The following SV2B variants were observed in gnomAD, a reference collection of about 807,000 sequenced individuals.
SV2B encodes solute carrier family 22 member B2.
Under a neutral mutation model 73.9 loss-of-function variants are expected in SV2B, and 41 were observed. The ratio of observed to expected loss-of-function variants is 0.56; its 90% confidence interval spans 0.43 to 0.72. The LOEUF is 0.72. SV2B is among the 30% of genes least tolerant of loss of function. The pLI is 0.00. For missense variants in SV2B, 764 were observed against 857.8 expected (o/e 0.89, Z 1.37); for synonymous variants, 314 against 314.2 (o/e 1.00, Z 0.01).
intron 1 of SV2B, among the ~76,000 whole-genome samples, chr15:91,119,369 C>T (rs1005721897): frequency 1.3e-5 from 2 of 152,200 alleles, no homozygotes; most frequent in Admixed American, 6.5e-5. Context: ...ATGCTTAGAT[C>T]TGGGCCATTT....
Position 91,132,366 on chromosome 15 carries a change from T to C in SV2B, c.-392+32003T>C, listed in dbSNP as rs1451032503. Among the ~76,000 whole-genome samples, 1 of 152,190 alleles carries C rather than the reference T, an allele frequency of 6.6e-6. No individual in the cohort carries two copies. The highest frequency in any genetic ancestry group is 1.5e-5 in the Non-Finnish European group (1 of 68,032). On this transcript the variant is annotated intron_variant, in intron 1 of 12. Transcript: ENST00000394232. This position sits in a 1 kb window ranked among gnomAD's most constrained non-coding sequence, Gnocchi z 4.6. ...GGTCACACACCTGTGCAAACATTGG[T>C]TGCAAAAACAATCAGGGGTTAGGGT...
chr15:91,180,290 T>G (rs1475281995), intron 1 of SV2B, among the ~76,000 whole-genome samples: 1 of 152,250 alleles, frequency 6.6e-6, no homozygotes, highest in African/African-American at 2.4e-5. Flanking sequence ...CTTCCCTTTG[T>G]GGGTAACCTG....
In SV2B at chr15:91,191,404, T is replaced by C. The variant is rs533148368; in HGVS notation, c.-391-34469T>C. ...AGAACCCTTCCACCCTGATACATCA[T>C]CAAGTTATTAATCCCCCCCACCTTC... On this transcript the variant is annotated intron_variant, in intron 1 of 12. Coordinates refer to ENST00000394232, the MANE Select transcript of SV2B (RefSeq NM_001323032.3). 7.2e-5 allele frequency among the ~76,000 whole-genome samples: 11 copies of C among 152,190 alleles called. No individual in the cohort carries two copies. In the South Asian group the frequency reaches 2.3e-3, roughly 32 times the overall value.
rs934993190 is a variant in SV2B, at chr15:91,236,294, GTTAT to G, written c.451+9591_451+9594del. Among the ~76,000 whole-genome samples the G allele has an allele frequency of 3.7e-4, 56 of 152,200 alleles. No homozygotes were observed. Among genetic ancestry groups the G allele is most frequent in the African/African-American group, 1.3e-3 (52 of 41,526 alleles). ...TTGCTAATTATCAGAATAAACATAT[GTTAT>G]TTATTTATTTGTATTGATTCACCTA... On this transcript the variant is annotated intron_variant, in intron 2 of 12. Coordinates refer to ENST00000394232, the MANE Select transcript of SV2B (RefSeq NM_001323032.3). The surrounding 1 kb of genome is among the most constrained non-coding windows in gnomAD (Gnocchi z 4.1).
chr15:91,222,810 T>C (rs192100488), intron 1 of SV2B, among the ~76,000 whole-genome samples: 133 of 152,336 alleles, frequency 8.7e-4, no homozygotes, highest in African/African-American at 2.5e-3. Flanking sequence ...TGTTTTACCA[T>C]TGGCTGTAAG....
Position 91,251,932 on chromosome 15 carries a change from G to A in SV2B, c.565G>A (p.Ala189Thr), listed in dbSNP as rs200150672. Reference protein sequence around the residue: ...SMSLAVNASFASLSSFVQGYG... With the variant: ...SMSLAVNASFTSLSSFVQGYG... ...GTCTCTGGCCGTCAATGCCTCCTTC[G>A]CCTCCCTCTCTTCCTTCGTGCAGGG... is the stretch of plus-strand genomic sequence containing the variant. The change falls in exon 3 of 13, where the codon GCC (alanine) becomes ACC (threonine). Residue 189 changes from alanine to threonine, a missense_variant. Coordinates refer to ENST00000394232, the MANE Select transcript of SV2B (RefSeq NM_001323032.3). The A allele has an allele frequency of 2.6e-5, 42 of 1,614,066 alleles. No individual in the cohort carries two copies. Among genetic ancestry groups the A allele is most frequent in the Middle Eastern group, 3.3e-4 (2 of 6,062 alleles).
Position 91,280,094 on chromosome 15 carries a change from T to TTTAATAATAAGGTTTAATAATA in SV2B, c.1374-1634_1374-1633insTTAATAATAAGGTTTAATAATA, listed in dbSNP as rs2048637552. ...ATTTAGGAAATGACATCTTTAATAA[T>TTTAATAATAAGGTTTAATAATA]AACCTCAAGTTTATTCTGATGCAAG... On this transcript the variant is annotated intron_variant, in intron 9 of 12. Coordinates refer to ENST00000394232, the MANE Select transcript of SV2B (RefSeq NM_001323032.3). The surrounding 1 kb of genome is among the most constrained non-coding windows in gnomAD (Gnocchi z 5.8). Among the ~76,000 whole-genome samples, 1 of 152,234 alleles carries TTTAATAATAAGGTTTAATAATA rather than the reference T, an allele frequency of 6.6e-6. No homozygotes were observed. Among genetic ancestry groups the TTTAATAATAAGGTTTAATAATA allele is most frequent in the Non-Finnish European group, 1.5e-5 (1 of 68,044 alleles).
In SV2B at chr15:91,121,147, G is replaced by C. The variant is rs184679604; in HGVS notation, c.-392+20784G>C. Among the ~76,000 whole-genome samples, 4 of 150,518 alleles carry C rather than the reference G, an allele frequency of 2.7e-5. No homozygotes were observed. The East Asian group carries it at 7.7e-4, about 29-fold the overall frequency. On this transcript the variant is annotated intron_variant, in intron 1 of 12. Coordinates refer to ENST00000394232, the MANE Select transcript of SV2B (RefSeq NM_001323032.3). The surrounding 1 kb of genome is among the most constrained non-coding windows in gnomAD (Gnocchi z 4.4). Reference sequence around the variant, plus strand: ...ACTCGTTTCATTTTTTTTTCTCTTTGAAATAAAAAAGTGTTAAGGTAAGGC... The same window carrying C: ...ACTCGTTTCATTTTTTTTTCTCTTTCAAATAAAAAAGTGTTAAGGTAAGGC...
chr15:91,139,499 A>G lies in SV2B; in HGVS notation c.-392+39136A>G, dbSNP rs947125442. 2.0e-5 allele frequency among the ~76,000 whole-genome samples: 3 copies of G among 152,166 alleles called. No individual in the cohort carries two copies. Among genetic ancestry groups the G allele is most frequent in the Admixed American group, 6.5e-5 (1 of 15,278 alleles). ...GGAGAGGTGTACAAGTAGCACCCAG[A>G]ACAGAAAAGCAGGGTGAGGGCAAAC... On this transcript the variant is annotated intron_variant, in intron 1 of 12. Coordinates refer to ENST00000394232, the MANE Select transcript of SV2B (RefSeq NM_001323032.3). The surrounding 1 kb of genome is among the most constrained non-coding windows in gnomAD (Gnocchi z 5.2).
At chr15:91,143,990 G>A (rs16945260) in intron 1 of SV2B, among the ~76,000 whole-genome samples, 2,104 of 152,218 alleles carry the variant, frequency 0.014, 48 homozygotes, top group African/African-American at 0.048. Flanking sequence ...TCATGTAGGC[G>A]GTGATAACTG....
Position 91,231,237 on chromosome 15 carries a change from G to A in SV2B, c.451+4523G>A, listed in dbSNP as rs546333751. ...AACGGATTGCCATGTTTAGGAGTGC[G>A]GACTTGATTCCACTGGTAGTGGAGA... On this transcript the variant is annotated intron_variant, in intron 2 of 12. Coordinates refer to ENST00000394232, the MANE Select transcript of SV2B (RefSeq NM_001323032.3). The surrounding 1 kb of genome is among the most constrained non-coding windows in gnomAD (Gnocchi z 4.5). 1.3e-5 allele frequency among the ~76,000 whole-genome samples: 2 copies of A among 152,244 alleles called. No individual in the cohort carries two copies. Among genetic ancestry groups the A allele is most frequent in the South Asian group, 2.1e-4 (1 of 4,818 alleles).
rs895708720 is a variant in SV2B, at chr15:91,283,125, G to T, written c.1508-896G>T. Among the ~76,000 whole-genome samples the T allele has an allele frequency of 6.6e-6, 1 of 152,198 alleles. No homozygotes were observed. Among genetic ancestry groups the T allele is most frequent in the Non-Finnish European group, 1.5e-5 (1 of 68,026 alleles). ...GAGGTTAAAGAGGGTCAGCAGCAGG[G>T]CCAGCTCCCCAAACGCAGGTTTCTA... is the stretch of plus-strand genomic sequence containing the variant. On this transcript the variant is annotated intron_variant, in intron 10 of 12. Transcript: ENST00000394232. The surrounding 1 kb of genome is among the most constrained non-coding windows in gnomAD (Gnocchi z 4.3).
rs577264675 is a variant in SV2B at position 91,212,887 on chromosome 15, T to TC, written c.-391-12983dup. The stretch of plus-strand genomic sequence containing the variant: ...TGAGCACGGTGGCTCATGTCTGTAA[T>TC]CCCAGCACTAAGGTAGCCCGAGGCA... On this transcript the variant is annotated intron_variant, in intron 1 of 12. Coordinates refer to ENST00000394232, the MANE Select transcript of SV2B (RefSeq NM_001323032.3). Among the ~76,000 whole-genome samples, 48 of 151,346 alleles carry TC rather than the reference T, an allele frequency of 3.2e-4. No homozygotes were observed. The East Asian group carries it at 6.4e-3, about 20-fold the overall frequency.
In SV2B at chr15:91,209,114, G is replaced by GTTTTTTTTTTT. The variant is rs903531189; in HGVS notation, c.-391-16744_-391-16734dup. 4.0e-4 allele frequency among the ~76,000 whole-genome samples: 36 copies of GTTTTTTTTTTT among 89,982 alleles called. 1 individual carries two copies. The highest frequency in any genetic ancestry group is 2.0e-3 in the African/African-American group (32 of 16,046). 59.0% of individuals were successfully genotyped at this position (89,982 alleles called of 152,430 possible). A position where few individuals can be genotyped will look rare whatever the true frequency, so the allele number is the denominator to read the frequency against. On this transcript the variant is annotated intron_variant, in intron 1 of 12. Transcript: ENST00000394232. The stretch of plus-strand genomic sequence containing the variant: ...AGTGACTGTGGCAGTACTGTTTTTT[G>GTTTTTTTTTTT]TTTTTTTTTTTTTTTTTTTTTTTTT...
Position 91,211,477 on chromosome 15 carries a change from C to T in SV2B, c.-391-14396C>T, listed in dbSNP as rs538410777. 3.1e-4 allele frequency among the ~76,000 whole-genome samples: 47 copies of T among 151,200 alleles called. No individual in the cohort carries two copies. In the Middle Eastern group the frequency reaches 0.01, roughly 34 times the overall value. On this transcript the variant is annotated intron_variant, in intron 1 of 12. Coordinates refer to ENST00000394232, the MANE Select transcript of SV2B (RefSeq NM_001323032.3). ...CTTCTTCCTCCTCTTCCTCTTCCTC[C>T]GCTGCTGCTGCTGCTGCTTCTTCTT...
chr15:91,220,890 GTCTC>G lies in SV2B; in HGVS notation c.-391-4977_-391-4974del, dbSNP rs35303960. ...TTTATTTTATTTTTTTGAGACAGGGGTCTCTCTCTTTCACCCAGGCTGGAGGGCA... is the reference window on the plus strand; with the variant it reads ...TTTATTTTATTTTTTTGAGACAGGGGTCTCTTTCACCCAGGCTGGAGGGCA... On this transcript the variant is annotated intron_variant, in intron 1 of 12. Coordinates refer to ENST00000394232, the MANE Select transcript of SV2B (RefSeq NM_001323032.3). The surrounding 1 kb of genome is among the most constrained non-coding windows in gnomAD (Gnocchi z 4.1). 1.3e-5 allele frequency among the ~76,000 whole-genome samples: 2 copies of G among 151,652 alleles called. No homozygotes were observed. The highest frequency in any genetic ancestry group is 4.9e-5 in the African/African-American group (2 of 41,214).
chr15:91,220,379 G>A lies in SV2B; in HGVS notation c.-391-5494G>A, dbSNP rs1278096702. On this transcript the variant is annotated intron_variant, in intron 1 of 12. Transcript: ENST00000394232. The surrounding 1 kb of genome is among the most constrained non-coding windows in gnomAD (Gnocchi z 4.1). ...CTCATAGCCTTTAATATAGCAATGT[G>A]CATTGTGCATTTCTGAAAGAGAATA... Among the ~76,000 whole-genome samples, 2 of 152,180 alleles carry A rather than the reference G, an allele frequency of 1.3e-5. No homozygotes were observed. The highest frequency in any genetic ancestry group is 1.3e-4 in the Admixed American group (2 of 15,276).
In SV2B at chr15:91,267,429, G is replaced by C. The variant is rs552137251; in HGVS notation, c.1120-126G>C. ...AGTTTTGCTGCCTCTAGGAGACAGTGGGGTACCGGTTCTCTCCATGGGTTC... is the reference window on the plus strand; with the variant it reads ...AGTTTTGCTGCCTCTAGGAGACAGTCGGGTACCGGTTCTCTCCATGGGTTC... On this transcript the variant is annotated intron_variant, in intron 7 of 12. Coordinates refer to ENST00000394232, the MANE Select transcript of SV2B (RefSeq NM_001323032.3). This position sits in a 1 kb window ranked among gnomAD's most constrained non-coding sequence, Gnocchi z 4.3. 33 of 752,398 alleles carry C rather than the reference G, an allele frequency of 4.4e-5. No individual in the cohort carries two copies. In the East Asian group the frequency reaches 8.6e-4, roughly 20 times the overall value. The allele number at this position is 752,398 out of a possible 1,614,324, so 46.6% of individuals were successfully genotyped here.
chr15:91,137,607 C>CATATAT lies in SV2B; in HGVS notation c.-392+37249_-392+37254dup, dbSNP rs1168795831. On this transcript the variant is annotated intron_variant, in intron 1 of 12. Coordinates refer to ENST00000394232, the MANE Select transcript of SV2B (RefSeq NM_001323032.3). This position sits in a 1 kb window ranked among gnomAD's most constrained non-coding sequence, Gnocchi z 4.9. Reference sequence around the variant, plus strand: ...ATATTTCTCATATATATATATATTTCATATATATATTTCATATATACATAT... The same window carrying CATATAT: ...ATATTTCTCATATATATATATATTTCATATATATATATATATTTCATATATACATAT... Among the ~76,000 whole-genome samples, 2 of 91,936 alleles carry CATATAT rather than the reference C, an allele frequency of 2.2e-5. No homozygotes were observed. Among genetic ancestry groups the CATATAT allele is most frequent in the African/African-American group, 7.5e-5 (2 of 26,496 alleles). 60.3% of individuals were successfully genotyped at this position (91,936 alleles called of 152,430 possible). A position where few individuals can be genotyped will look rare whatever the true frequency, so the allele number is the denominator to read the frequency against.
Sources: gnomAD v4.1 joint callset for allele counts (sites outside exome capture counted in the v4.1 genomes callset) on GRCh38, gnomAD v4.1.1 for gene constraint, Gnocchi (gnomAD v3.1) non-coding constraint, MANE v1.5 for transcripts, NCBI Gene and HGNC (gene_info 2026-07-23, HGNC 2026-07-21) for gene names.